The following ADRA1B variants were observed in gnomAD, a reference collection of about 807,000 sequenced individuals.
ADRA1B encodes the protein adrenoceptor alpha 1B.
Under a neutral mutation model 17.9 loss-of-function variants are expected in ADRA1B, and 17 were observed. The ratio of observed to expected loss-of-function variants is 0.95; its 90% CI spans 0.65 to 1.42. The LOEUF (loss-of-function observed/expected upper bound fraction) is 1.42. Among genes scored for constraint, ADRA1B ranks in the 40% most tolerant of loss-of-function variants. The pLI is 0.00. For missense variants in ADRA1B, 681 were observed against 722.1 expected (o/e 0.94, Z 0.65); for synonymous variants, 366 against 327.6 (o/e 1.12, Z -1.27).
In ADRA1B at chr5:159,882,108, C is replaced by T. The variant is rs865806430; in HGVS notation, c.-256+16902C>T. On this transcript the variant is annotated intron_variant, in intron 1 of 2. Transcript: ENST00000641205. ...TGTGTGCATAAAGTTTGTATGTGTG[C>T]AGTGCTGAGGCTTATGCAGTAGGGA... Among the ~76,000 whole-genome samples, 14 of 152,232 alleles carry T rather than the reference C, an allele frequency of 9.2e-5. No homozygotes were observed. The South Asian group carries it at 1.9e-3, about 20-fold the overall frequency.
In ADRA1B at chr5:159,942,568, T is replaced by C. The variant is rs370356962; in HGVS notation, c.949+24714T>C. Among the ~76,000 whole-genome samples, 50 of 152,284 alleles carry C rather than the reference T, an allele frequency of 3.3e-4. No homozygotes were observed. The South Asian group carries it at 9.5e-3, about 29-fold the overall frequency. ...GGCCACACCTGTAATCCCACCACTC[T>C]GGGAGGCTAAGGCGGGAGGAACACT... On this transcript the variant is annotated intron_variant, in intron 1 of 1. Transcript: ENST00000306675.
At chr5:159,869,444 G>A (rs1753707581) in intron 1 of ADRA1B, 1 of 152,144 alleles carries the variant, frequency 6.6e-6, no homozygotes, top group Admixed American at 6.5e-5. Context: ...CCACAGAAGT[G>A]GATTTCAGTT....
chr5:159,905,193 T>C (rs1405048247), intron 1 of ADRA1B, among the ~76,000 whole-genome samples: 7 of 152,330 alleles, frequency 4.6e-5, no homozygotes, highest in Admixed American at 3.3e-4. Flanking sequence ...GGAGGGGTTA[T>C]AGTTGAAAGG....
intron 1 of ADRA1B, among the ~76,000 whole-genome samples, chr5:159,962,425 A>G (rs1182457718): frequency 6.6e-6 from 1 of 151,854 alleles, no homozygotes; most frequent in East Asian, 1.9e-4. Flanking sequence ...AAACCTCTCA[A>G]ATCATCAGGT....
chr5:159,939,114 AG>A (rs1460237863), intron 1 of ADRA1B, among the ~76,000 whole-genome samples: 1 of 152,174 alleles, frequency 6.6e-6, no homozygotes, highest in African/African-American at 2.4e-5. Flanking sequence ...TCCCTCAGCA[AG>A]GGGCAGTGTC....
chr5:159,876,660 G>A (rs572108801), intron 1 of ADRA1B, among the ~76,000 whole-genome samples: 27 of 152,184 alleles, frequency 1.8e-4, no homozygotes, highest in Admixed American at 2.0e-4. Context: ...AAGTATGGGC[G>A]ACACATACCA....
At chr5:159,932,919 A>G (rs1247656849) in intron 1 of ADRA1B, among the ~76,000 whole-genome samples, 1 of 152,178 alleles carries the variant, frequency 6.6e-6, no homozygotes, top group African/African-American at 2.4e-5. Flanking sequence ...GTTATTTTAA[A>G]TTTTTGTTAC....
intron 1 of ADRA1B, among the ~76,000 whole-genome samples, chr5:159,945,675 T>C (rs1755248687): frequency 1.3e-5 from 2 of 151,984 alleles, no homozygotes; most frequent in Admixed American, 6.5e-5. Context: ...TTTCTCTAAA[T>C]GCTATTGAAA....
In ADRA1B at chr5:159,905,269, G is replaced by A. The variant is rs569642941; in HGVS notation, c.-255-10850G>A. Among the ~76,000 whole-genome samples the A allele has an allele frequency of 3.3e-5, 5 of 152,306 alleles. No individual in the cohort carries two copies. The South Asian group carries it at 1.0e-3, about 32-fold the overall frequency. Reference sequence around the variant, plus strand: ...AATTCACTACAGAAATAGAAAAATTGTGATAGACACATAGACAATCCAACA... The same window carrying A: ...AATTCACTACAGAAATAGAAAAATTATGATAGACACATAGACAATCCAACA... On this transcript the variant is annotated intron_variant, in intron 1 of 2. Transcript: ENST00000641205.
At chr5:159,968,137 C>T (rs566565083) in intron 1 of ADRA1B, among the ~76,000 whole-genome samples, 192 of 152,134 alleles carry the variant, frequency 1.3e-3, no homozygotes, top group African/African-American at 1.6e-3. Flanking sequence ...GATGAATGAA[C>T]GAACAAATGA....
At chr5:159,868,268 A>G (rs141433437) in intron 1 of ADRA1B, 1 of 152,354 alleles carries the variant, frequency 6.6e-6, no homozygotes, top group African/African-American at 2.4e-5. Context: ...TGATTGCTCA[A>G]TGAAATGGGA....
At chr5:159,878,801 G>A (rs757271323) in intron 1 of ADRA1B, among the ~76,000 whole-genome samples, 1 of 152,212 alleles carries the variant, frequency 6.6e-6, no homozygotes, top group Non-Finnish European at 1.5e-5. Flanking sequence ...AACCAGAACT[G>A]TGGGGTCTTC....
intron 1 of ADRA1B, among the ~76,000 whole-genome samples, chr5:159,963,288 GTATATATATATA>G (rs10522262): frequency 7.5e-6 from 1 of 132,702 alleles, no homozygotes; most frequent in African/African-American, 2.9e-5. Context: ...AACAAAAAAA[GTATATATATATA>G]TATATATATC....
chr5:159,897,010 C>T (rs1312416380), intron 1 of ADRA1B, among the ~76,000 whole-genome samples: 1 of 152,204 alleles, frequency 6.6e-6, no homozygotes, highest in East Asian at 1.9e-4. Flanking sequence ...ATTCTTTTCT[C>T]CCAGCAATCC....
chr5:159,896,747 C>G (rs992290109), intron 1 of ADRA1B, among the ~76,000 whole-genome samples: 1 of 152,190 alleles, frequency 6.6e-6, no homozygotes. Context: ...TAACAACCCC[C>G]TTGACAAAAT....
At chr5:159,935,464 C>T (rs537464002) in intron 1 of ADRA1B, among the ~76,000 whole-genome samples, 11 of 152,198 alleles carry the variant, frequency 7.2e-5, no homozygotes, top group Non-Finnish European at 1.3e-4. Context: ...ATATAAAAGG[C>T]GCCCCACCCC....
intron 1 of ADRA1B, among the ~76,000 whole-genome samples, chr5:159,943,385 A>C (rs1304210818): frequency 6.6e-6 from 1 of 152,148 alleles, no homozygotes; most frequent in African/African-American, 2.4e-5. Context: ...CAGAGAAACA[A>C]ACTTACCTCT....
chr5:159,954,386 CT>C (rs1387876172), intron 1 of ADRA1B, among the ~76,000 whole-genome samples: 22 of 152,238 alleles, frequency 1.4e-4, no homozygotes, highest in East Asian at 7.7e-4. Context: ...TCTGGGATCT[CT>C]TTTATAAGGG....
intron 1 of ADRA1B, among the ~76,000 whole-genome samples, chr5:159,909,147 TG>T (rs1267155708): frequency 9.9e-5 from 15 of 152,172 alleles, no homozygotes; most frequent in African/African-American, 3.6e-4. Flanking sequence ...ACAATGAAGA[TG>T]GGCAAAGGAA....
Sources: gnomAD v4.1 joint callset for allele counts (sites outside exome capture counted in the v4.1 genomes callset) on GRCh38, gnomAD v4.1.1 for gene constraint, MANE v1.5 for transcripts, NCBI Gene and HGNC (gene_info 2026-07-23, HGNC 2026-07-21) for gene names.